The following NUP98 variants were observed in gnomAD, a reference collection of about 807,000 sequenced individuals.
NUP98 encodes the protein nuclear pore complex protein Nup98-Nup96.
In NUP98, 26 loss-of-function variants were observed where a neutral mutation model predicts 191.9. The ratio of observed to expected loss-of-function variants is 0.14; its 90% CI spans 0.10 to 0.19. The LOEUF is 0.19. Among genes scored for constraint, NUP98 ranks in the 10% least tolerant of loss-of-function variants. The pLI, the probability that NUP98 is intolerant of heterozygous loss-of-function variation, is 1.00. For missense variants in NUP98, 1,941 were observed against 2,178.8 expected (o/e 0.89, Z 2.17); for synonymous variants, 808 against 778.4 (o/e 1.04, Z -0.63).
intron 11 of NUP98, among the ~76,000 whole-genome samples, chr11:3,744,877 T>C (rs1168937159): frequency 6.6e-6 from 1 of 152,222 alleles, no homozygotes; most frequent in African/African-American, 2.4e-5. Context: ...TTTCCTCAAT[T>C]ATAACATGAA....
At chr11:3,711,772 C>G (rs1412782488) in intron 20 of NUP98, 2 of 816,494 alleles carry the variant, frequency 2.4e-6, no homozygotes, top group African/African-American at 3.6e-5. Context: ...CAGTTTCCCA[C>G]ATTTATCATA....
intron 1 of NUP98, among the ~76,000 whole-genome samples, chr11:3,796,589 A>T (rs1343585716): frequency 1.3e-5 from 2 of 152,212 alleles, no homozygotes; most frequent in African/African-American, 4.8e-5. Flanking sequence ...GACTACATCT[A>T]CGTTTAGCTA....
In NUP98 at chr11:3,773,645, C is replaced by T. The variant is rs1391845705; in HGVS notation, c.590G>A (p.Ser197Asn). 4 of 1,598,902 alleles carry T rather than the reference C, an allele frequency of 2.5e-6. No individual in the cohort carries two copies. In the Admixed American group the frequency reaches 6.7e-5, roughly 27 times the overall value. Reference sequence around the variant, plus strand: ...TATTTTACTGACCTCTAGTGACTTGCTTTCATATTCTTTCATAGCAGTAAT... The same window carrying T: ...TATTTTACTGACCTCTAGTGACTTGTTTTCATATTCTTTCATAGCAGTAAT... Reference protein sequence around the residue: ...QCITAMKEYESKSLEELRLED... With the variant: ...QCITAMKEYENKSLEELRLED... Residue 197 changes from serine (S) to asparagine (N), a missense_variant, in exon 6 of 33, where the codon AGC (serine) becomes AAC (asparagine). Around this residue, in one of 6 missense-constraint regions of NUP98, gnomAD observed 28 missense variants for 74.0 expected, o/e 0.38. Transcript: ENST00000324932.
chr11:3,677,250 T>C (rs374028818), intron 31 of NUP98, among the ~76,000 whole-genome samples: 79 of 152,012 alleles, frequency 5.2e-4, no homozygotes, highest in Non-Finnish European at 9.3e-4. Flanking sequence ...CATATTTAAA[T>C]TGAGACCTGA....
In NUP98 at chr11:3,723,196, C is replaced by T. The variant is rs201732861; in HGVS notation, c.2107G>A (p.Glu703Lys). 1.9e-6 allele frequency: 3 copies of T among 1,614,142 alleles called. No homozygotes were observed. The highest frequency in any genetic ancestry group is 4.5e-5 in the East Asian group (2 of 44,880). Residue 703 changes from glutamate to lysine, a missense_variant, in exon 16 of 33, where the codon GAA becomes AAA. Coordinates refer to ENST00000324932, the MANE Select transcript of NUP98 (RefSeq NM_016320.5). Reference protein sequence around the residue: ...FHDESLQDDREEIENNSYHMH... With the variant: ...FHDESLQDDRKEIENNSYHMH... ...TGGTAAGAATTATTTTCTATTTCTT[C>T]TCGGTCATCCTGAAGTGACTCATCA...
intron 1 of NUP98, among the ~76,000 whole-genome samples, chr11:3,791,701 T>C (rs1347571231): frequency 6.7e-6 from 1 of 149,888 alleles, no homozygotes; most frequent in Non-Finnish European, 1.5e-5. Context: ...AAATTAGCCA[T>C]GTGTGGTGGC....
chr11:3,797,343 C>T, intron 1 of NUP98, 57 bp downstream of exon 1: 1 of 400,038 alleles, frequency 2.5e-6, no homozygotes, highest in East Asian at 3.6e-5. Flanking sequence ...TCCGCCCGCC[C>T]GGAAGGGGGG....
rs1589975883 is a variant in NUP98, at chr11:3,787,204, C to T, written c.-28-5059G>A. 2.0e-5 allele frequency among the ~76,000 whole-genome samples: 3 copies of T among 152,292 alleles called. No individual in the cohort carries two copies. In the South Asian group the frequency reaches 6.2e-4, roughly 32 times the overall value. On this transcript the variant is annotated intron_variant, in intron 1 of 32. Coordinates refer to ENST00000324932, the MANE Select transcript of NUP98 (RefSeq NM_016320.5). ...AGTGTAACCTAATAACATATCCCAACAAAACTATCTGGAACCTTCTGTTTT... is the reference window on the plus strand; with the variant it reads ...AGTGTAACCTAATAACATATCCCAATAAAACTATCTGGAACCTTCTGTTTT...
chr11:3,797,481 AACCGTCGCCGCCGCCGCT>A lies in NUP98; in HGVS notation c.-128_-111del. On this transcript the variant is annotated 5_prime_UTR_variant, in exon 1 of 33. Coordinates refer to ENST00000324932, the MANE Select transcript of NUP98 (RefSeq NM_016320.5). ...ACAGAGCAGCGCGCGGCCCCCACGA[AACCGTCGCCGCCGCCGCT>A]ACCACCCCTGCCACCGACCGCCGCT... 1 of 432,612 alleles carries A rather than the reference AACCGTCGCCGCCGCCGCT, an allele frequency of 2.3e-6. No homozygotes were observed. 26.8% of individuals were successfully genotyped at this position (432,612 alleles called of 1,614,324 possible).
chr11:3,773,509 T>C (rs2081602207), intron 6 of NUP98, 123 bp downstream of exon 6: 8 of 519,092 alleles, frequency 1.5e-5, no homozygotes, highest in Admixed American at 1.1e-4. Flanking sequence ...TGGTTAATGT[T>C]AATTTTTTAC....
At chr11:3,766,716 A>T (rs2081353111) in intron 8 of NUP98, among the ~76,000 whole-genome samples, 1 of 150,748 alleles carries the variant, frequency 6.6e-6, no homozygotes, top group Non-Finnish European at 1.5e-5. Flanking sequence ...AAAAAGAGAG[A>T]AGCCTGAGGG....
chr11:3,792,047 C>T (rs908028291), intron 1 of NUP98, among the ~76,000 whole-genome samples: 6 of 150,956 alleles, frequency 4.0e-5, no homozygotes, highest in Non-Finnish European at 5.9e-5. Context: ...GGCATGGTGG[C>T]ACGCCCCTGT....
Position 3,744,520 on chromosome 11 carries a change from T to C in NUP98, c.1397A>G (p.Gln466Arg). 1 of 1,611,978 alleles carries C rather than the reference T, an allele frequency of 6.2e-7. No individual in the cohort carries two copies. The highest frequency in any genetic ancestry group is 8.5e-7 in the Non-Finnish European group (1 of 1,179,262). The change falls in exon 12 of 33, where the codon CAG becomes CGG. Residue 466 changes from glutamine (Q) to arginine (R), a missense_variant. Transcript: ENST00000324932. Reference sequence around the variant, plus strand: ...TGACTGACACTTACCTACTGGGGCCTGGGGGGCTCCAAAGCCCAAAGTGGC... The same window carrying C: ...TGACTGACACTTACCTACTGGGGCCCGGGGGGCTCCAAAGCCCAAAGTGGC... ...TTATLGFGAP[Q>R]APVALTDPNA...
chr11:3,724,139 A>G (rs1478121255), intron 15 of NUP98, among the ~76,000 whole-genome samples: 1 of 152,112 alleles, frequency 6.6e-6, no homozygotes, highest in Non-Finnish European at 1.5e-5. Flanking sequence ...ATTTATAAAG[A>G]AAGAAATTTC....
rs778394070 is a variant in NUP98 at position 3,685,987 on chromosome 11, G to A, written c.4662C>T (p.His1554=). The A allele has an allele frequency of 6.2e-6, 10 of 1,613,814 alleles. No individual in the cohort carries two copies. Among genetic ancestry groups the A allele is most frequent in the Non-Finnish European group, 7.6e-6 (9 of 1,180,002 alleles). ...TTCTCACTCACCCTGAGTTGTCAATGTGCAGGAGGACAAAGATGGCCCACT... is the reference window on the plus strand; with the variant it reads ...TTCTCACTCACCCTGAGTTGTCAATATGCAGGAGGACAAAGATGGCCCACT... ...LWEWAIFVLL[H]IDNSGIREKA... Residue 1554 remains histidine, a synonymous_variant, in exon 29 of 33, where the codon CAC becomes CAT. Coordinates refer to ENST00000324932, the MANE Select transcript of NUP98 (RefSeq NM_016320.5).
Position 3,719,556 on chromosome 11 carries a change from A to C in NUP98, c.2261-6T>G. The C allele has an allele frequency of 1.3e-6, 2 of 1,540,470 alleles. No homozygotes were observed. Among genetic ancestry groups the C allele is most frequent in the Non-Finnish European group, 1.7e-6 (2 of 1,148,266 alleles). ...AAAATAGATTGAACCATAACCTATA[A>C]ATCAGAGCAAATAGTTAAAAATTCA... On this transcript the variant is annotated splice_polypyrimidine_tract_variant and splice_region_variant and intron_variant, in intron 17 of 32. Transcript: ENST00000324932.
At chr11:3,699,506 A>G (rs1203137974) in intron 24 of NUP98, among the ~76,000 whole-genome samples, 158 bp from the exon 25 acceptor site, 1 of 152,166 alleles carries the variant, frequency 6.6e-6, no homozygotes, top group Non-Finnish European at 1.5e-5. Flanking sequence ...ACCTCACTCA[A>G]CTTCGTCTTA....
intron 20 of NUP98, among the ~76,000 whole-genome samples, chr11:3,707,452 CA>C (rs879351640): frequency 6.6e-6 from 1 of 151,170 alleles, no homozygotes; most frequent in Non-Finnish European, 1.5e-5. Flanking sequence ...ATTTTCAAAC[CA>C]AAAAAAATTC....
chr11:3,736,993 C>G (rs1332231985), intron 12 of NUP98, among the ~76,000 whole-genome samples: 7 of 152,052 alleles, frequency 4.6e-5, no homozygotes, highest in African/African-American at 1.7e-4. Context: ...ATTTAGGGAA[C>G]AGACATAAGT....
Sources: gnomAD v4.1 joint callset for allele counts (sites outside exome capture counted in the v4.1 genomes callset) on GRCh38, gnomAD v4.1.1 for gene constraint, gnomAD v4.1.1 regional missense constraint, MANE v1.5 for transcripts, NCBI Gene and HGNC (gene_info 2026-07-23, HGNC 2026-07-21) for gene names.